The following SPESP1 variants were observed in gnomAD, a reference collection of about 807,000 sequenced individuals.
The protein encoded by SPESP1 is sperm equatorial segment protein 1.
SPESP1 carries 1 observed loss-of-function variant against 3.1 expected under a neutral mutation model. The observed-to-expected ratio is 0.33, with a 90% confidence interval of 0.12 to 1.54. The LOEUF (loss-of-function observed/expected upper bound fraction) is 1.54. SPESP1 is among the 40% of genes most tolerant of loss of function. The pLI is 0.38. For missense variants in SPESP1, 398 were observed against 410.1 expected (o/e 0.97, Z 0.26); for synonymous variants, 138 against 150.7 (o/e 0.92, Z 0.62).
At position 68,946,429 on chromosome 15, in the gene SPESP1, GT is replaced by G. The variant is rs754473952; in HGVS notation, c.897del (p.Ile300LeufsTer15). ...TSNKIDDIET[V>X]INMLCNSRSK... ...TAATAAAATTGATGACATCGAAACT[GT>G]TATTAACATGCTGTGTAATTCTAGA... On this transcript the variant is annotated frameshift_variant, in exon 2 of 2. Transcript: ENST00000310673. LOFTEE classifies it low-confidence loss of function (END_TRUNC). 7 of 1,613,882 alleles carry G rather than the reference GT, an allele frequency of 4.3e-6. No individual in the cohort carries two copies. The highest frequency in any genetic ancestry group is 5.9e-6 in the Non-Finnish European group (7 of 1,180,004).
At position 68,946,082 on chromosome 15, in the gene SPESP1, C is replaced by T. The variant is rs144077277; in HGVS notation, c.548C>T (p.Thr183Ile). 2.5e-6 allele frequency: 4 copies of T among 1,614,052 alleles called. No homozygotes were observed. In the African/African-American group the frequency reaches 5.3e-5, roughly 22 times the overall value. ...ACCTCATACAAGTCACCTGTCACCA[C>T]TTTAGATAAGAGCACTGGCATTGGG... The part of the protein sequence containing the change: ...YVTSYKSPVT[T>I]LDKSTGIGIS... Residue 183 changes from threonine (T) to isoleucine (I), a missense_variant, in exon 2 of 2, where the codon ACT becomes ATT. Physicochemically the swap from Thr to Ile is moderately conservative, Grantham distance 89. Coordinates refer to ENST00000310673, the MANE Select transcript of SPESP1 (RefSeq NM_145658.4).
At chr15:68,939,941 C>T (rs1031636569) in intron 1 of SPESP1, 2 of 152,098 alleles carry the variant, frequency 1.3e-5, no homozygotes, top group African/African-American at 4.8e-5. Flanking sequence ...CAATGTCTTT[C>T]TAAAAGCGTT....
chr15:68,939,570 A>G (rs1895765582), intron 1 of SPESP1, among the ~76,000 whole-genome samples: 1 of 152,218 alleles, frequency 6.6e-6, no homozygotes. Context: ...AACATGAAAT[A>G]GGGAGATGTT....
At chr15:68,941,818 G>C (rs530809885) in intron 1 of SPESP1, among the ~76,000 whole-genome samples, 1 of 152,036 alleles carries the variant, frequency 6.6e-6, no homozygotes, top group African/African-American at 2.4e-5. Flanking sequence ...TCTTCATATT[G>C]ATTTTGGCAT....
intron 1 of SPESP1, among the ~76,000 whole-genome samples, chr15:68,941,132 C>T (rs1895812121): frequency 6.6e-6 from 1 of 151,690 alleles, no homozygotes. Flanking sequence ...CTTATTTGTT[C>T]TTCCAAATAA....
chr15:68,940,480 C>G (rs1288703522), intron 1 of SPESP1, among the ~76,000 whole-genome samples: 2 of 152,130 alleles, frequency 1.3e-5, no homozygotes, highest in African/African-American at 4.8e-5. Context: ...TTCTCTTTTT[C>G]CAGTTTGATA....
chr15:68,938,061 A>G (rs978103002), intron 1 of SPESP1, among the ~76,000 whole-genome samples: 8 of 152,036 alleles, frequency 5.3e-5, no homozygotes, highest in South Asian at 2.1e-4. Flanking sequence ...GCTTACTGCA[A>G]CCTCTGCCTC....
intron 1 of SPESP1, 67 bp downstream of exon 1, chr15:68,930,784 C>T (rs2140414537): frequency 1.9e-6 from 3 of 1,608,708 alleles, no homozygotes; most frequent in South Asian, 1.1e-5. Context: ...AGCTCCGCGA[C>T]CTCGAAGCCT....
rs1182430908 is a variant in SPESP1, at chr15:68,930,675, G to C, written c.22G>C (p.Val8Leu). MKPLVLL[V>L]ALLLWPSSVP... The stretch of plus-strand genomic sequence containing the variant: ...GCCTATGAAGCCCTTAGTCCTTCTA[G>C]TTGCGCTTTTGCTATGGCCTTCGTC... Residue 8 changes from valine to leucine, a missense_variant, in exon 1 of 2, where the codon GTT (valine) becomes CTT (leucine). By Grantham distance (32) the Val-to-Leu change is conservative (BLOSUM62 1). Coordinates refer to ENST00000310673, the MANE Select transcript of SPESP1 (RefSeq NM_145658.4). The C allele has an allele frequency of 6.2e-7, 1 of 1,613,930 alleles. No homozygotes were observed. The highest frequency in any genetic ancestry group is 8.5e-7 in the Non-Finnish European group (1 of 1,179,924).
intron 1 of SPESP1, among the ~76,000 whole-genome samples, chr15:68,935,169 G>T (rs1567062367): frequency 6.6e-6 from 1 of 152,128 alleles, no homozygotes; most frequent in Non-Finnish European, 1.5e-5. Context: ...GTTTATTTTG[G>T]TTTCAATTAT....
intron 1 of SPESP1, among the ~76,000 whole-genome samples, chr15:68,937,401 A>C (rs1895707266): frequency 6.6e-6 from 1 of 152,246 alleles, no homozygotes; most frequent in Non-Finnish European, 1.5e-5. Context: ...AACTGTCTAA[A>C]TTCTATAAAG....
chr15:68,942,169 C>CT (rs778249415), intron 1 of SPESP1, among the ~76,000 whole-genome samples: 66 of 142,816 alleles, frequency 4.6e-4, no homozygotes, highest in South Asian at 6.6e-4. Context: ...CATCTTATTT[C>CT]TTTTTTTTTT....
At position 68,946,325 on chromosome 15, in the gene SPESP1, G is replaced by T; in HGVS notation, c.791G>T (p.Ser264Ile). 1 of 1,614,088 alleles carries T rather than the reference G, an allele frequency of 6.2e-7. No individual in the cohort carries two copies. Among genetic ancestry groups the T allele is most frequent in the Non-Finnish European group, 8.5e-7 (1 of 1,180,042 alleles). Residue 264 changes from serine (S) to isoleucine (I), a missense_variant, in exon 2 of 2, where the codon AGC becomes ATC. Physicochemically the swap from Ser to Ile is moderately radical, Grantham distance 142 (BLOSUM62 -2). Coordinates refer to ENST00000310673, the MANE Select transcript of SPESP1 (RefSeq NM_145658.4). ...GCCTCTAAAGATCACCTAAAACGAAGCCTTGCTCTAGCAGCAGCAGCAGAA... is the reference window on the plus strand; with the variant it reads ...GCCTCTAAAGATCACCTAAAACGAATCCTTGCTCTAGCAGCAGCAGCAGAA... ...IEASKDHLKR[S>I]LALAAAAEHK...
chr15:68,935,543 G>T (rs560655323), intron 1 of SPESP1, among the ~76,000 whole-genome samples: 37 of 152,310 alleles, frequency 2.4e-4, no homozygotes, highest in African/African-American at 8.7e-4. Flanking sequence ...CAACATGGAT[G>T]CTCTTACGAA....
chr15:68,942,202 C>T (rs192553795), intron 1 of SPESP1, among the ~76,000 whole-genome samples: 5 of 145,714 alleles, frequency 3.4e-5, no homozygotes, highest in Non-Finnish European at 4.5e-5. Context: ...CTCGCTCTGT[C>T]GCCCAGGCTG....
chr15:68,933,591 T>A (rs1895608316), intron 1 of SPESP1, among the ~76,000 whole-genome samples: 1 of 150,720 alleles, frequency 6.6e-6, no homozygotes, highest in African/African-American at 2.4e-5. Context: ...GGGCACGGTG[T>A]CTTACACCTG....
intron 1 of SPESP1, among the ~76,000 whole-genome samples, chr15:68,934,955 C>G (rs558111636): frequency 3.3e-5 from 5 of 152,188 alleles, no homozygotes; most frequent in African/African-American, 1.2e-4. Context: ...CTGATGTTAA[C>G]TGATTGTTCC....
intron 1 of SPESP1, chr15:68,939,648 G>C (rs1403077157): frequency 6.6e-6 from 1 of 152,196 alleles, no homozygotes; most frequent in Non-Finnish European, 1.5e-5. Context: ...GAAAAATATG[G>C]AGCCAAGGGT....
chr15:68,943,693 CAATCTATT>C (rs1220955988), intron 1 of SPESP1, among the ~76,000 whole-genome samples: 1 of 152,016 alleles, frequency 6.6e-6, no homozygotes, highest in Admixed American at 6.6e-5. Flanking sequence ...TGTTCAAAAC[CAATCTATT>C]CTGGCCACTG....
Sources: gnomAD v4.1 joint callset for allele counts (sites outside exome capture counted in the v4.1 genomes callset) on GRCh38, gnomAD v4.1.1 for gene constraint, MANE v1.5 for transcripts, NCBI Gene and HGNC (gene_info 2026-07-23, HGNC 2026-07-21) for gene names.